Variants in ASIC2 observed in about 807,000 individuals in gnomAD.
The protein encoded by ASIC2 is acid sensing ion channel subunit 2.
ASIC2 carries 25 observed loss-of-function variants against 57.3 expected under a neutral mutation model. The ratio of observed to expected loss-of-function variants is 0.44; its 90% CI spans 0.32 to 0.61. The LOEUF is 0.61. Among genes scored for constraint, ASIC2 ranks in the 20% least tolerant of loss-of-function variants. The probability of loss-of-function intolerance (pLI) is 0.06; values close to 1 mark genes in which losing one functional copy is unlikely to be tolerated. For synonymous variants in ASIC2, 319 were observed against 307.5 expected, an observed-to-expected ratio of 1.04 and a Z score of -0.39; for missense variants, 641 against 738.1, an observed-to-expected ratio of 0.87 and a Z score of 1.52.
At chr17:34,039,872 T>C (rs1908040061) in intron 1 of ASIC2, 1 of 1,602,004 alleles carries the variant, frequency 6.2e-7, no homozygotes, top group Admixed American at 1.7e-5. Flanking sequence ...TCTTCCATCA[T>C]TTCTACTGCC....
chr17:33,189,811 A>C (rs1216793051), intron 1 of ASIC2, among the ~76,000 whole-genome samples: 1 of 152,198 alleles, frequency 6.6e-6, no homozygotes, highest in African/African-American at 2.4e-5. Flanking sequence ...GCAAAAGCTG[A>C]TAAACTACAA....
rs541180973 is a variant in ASIC2, at chr17:33,329,496, G to A, written c.556-217429C>T. On this transcript the variant is annotated intron_variant, in intron 1 of 9. Transcript: ENST00000359872. ...TGCTCAGACCTCCTTTTTCACAAAT[G>A]AGAAAATTCATGCCCAAATTTCAGA... 8.5e-4 allele frequency among the ~76,000 whole-genome samples: 130 copies of A among 152,280 alleles called. 1 individual carries two copies. Among genetic ancestry groups the A allele is most frequent in the African/African-American group, 3.1e-3 (128 of 41,570 alleles).
At chr17:33,865,469 T>C (rs553841092) in intron 1 of ASIC2, among the ~76,000 whole-genome samples, 2 of 152,216 alleles carry the variant, frequency 1.3e-5, no homozygotes, top group Admixed American at 1.3e-4. Context: ...ACTATTAACA[T>C]CTTGGAGCAT....
At chr17:33,545,089 G>A (rs1206708685) in intron 1 of ASIC2, among the ~76,000 whole-genome samples, 1 of 152,146 alleles carries the variant, frequency 6.6e-6, no homozygotes, top group Non-Finnish European at 1.5e-5. Context: ...TTCAAATTTA[G>A]TAAAATGATT....
intron 1 of ASIC2, among the ~76,000 whole-genome samples, chr17:33,940,511 TCC>T (rs1916164822): frequency 6.6e-6 from 1 of 152,060 alleles, no homozygotes; most frequent in African/African-American, 2.4e-5. Flanking sequence ...CCTCCCTCCC[TCC>T]TTCACTCCAC....
intron 2 of ASIC2, among the ~76,000 whole-genome samples, chr17:33,093,105 C>T (rs2092164169): frequency 6.6e-6 from 1 of 152,046 alleles, no homozygotes; most frequent in Non-Finnish European, 1.5e-5. Flanking sequence ...GTTTGTGGGT[C>T]CCAGTGCCAA....
At chr17:33,979,815 G>A (rs1905546412) in intron 1 of ASIC2, among the ~76,000 whole-genome samples, 1 of 152,166 alleles carries the variant, frequency 6.6e-6, no homozygotes, top group African/African-American at 2.4e-5. Flanking sequence ...TTCACACTTA[G>A]AGGTCTCAAT....
chr17:33,333,082 G>A (rs1484363379), intron 1 of ASIC2, among the ~76,000 whole-genome samples: 1 of 152,196 alleles, frequency 6.6e-6, no homozygotes, highest in Non-Finnish European at 1.5e-5. Flanking sequence ...GCCTCCTGAG[G>A]AAGGAATTGG....
At chr17:33,933,080 G>C (rs1017197558) in intron 1 of ASIC2, among the ~76,000 whole-genome samples, 1 of 152,056 alleles carries the variant, frequency 6.6e-6, no homozygotes, top group South Asian at 2.1e-4. Flanking sequence ...TCCCACCCTC[G>C]TATGTCTCCT....
intron 1 of ASIC2, among the ~76,000 whole-genome samples, chr17:33,817,035 G>C (rs1040131884): frequency 4.6e-5 from 7 of 152,222 alleles, no homozygotes; most frequent in African/African-American, 1.7e-4. Flanking sequence ...TGCTCTCCCA[G>C]AGCAGCAGTG....
At chr17:33,751,323 C>A (rs1222858099) in intron 1 of ASIC2, among the ~76,000 whole-genome samples, 1 of 152,192 alleles carries the variant, frequency 6.6e-6, no homozygotes, top group Admixed American at 6.5e-5. Flanking sequence ...TCTAGTGGCA[C>A]TGCCAGGAAT....
chr17:33,799,352 C>CTCTTTCTTTCTTTCTTTCTTCCTT (rs1912013095), intron 1 of ASIC2, among the ~76,000 whole-genome samples: 2 of 136,182 alleles, frequency 1.5e-5, no homozygotes, highest in African/African-American at 5.8e-5. Context: ...TCCTCTCTTT[C>CTCTTTCTTTCTTTCTTTCTTCCTT]TCTTTCTTTC....
At position 33,354,870 on chromosome 17, in the gene ASIC2, C is replaced by T. The variant is rs1908317005; in HGVS notation, c.556-242803G>A. On this transcript the variant is annotated intron_variant, in intron 1 of 9. Coordinates refer to the ASIC2 transcript ENST00000359872. ...TTGCCCTCTCCCCTCTGCCTCTGTC[C>T]CCACACATGTGCACCTATTTCCATG... is the stretch of plus-strand genomic sequence containing the variant. Among the ~76,000 whole-genome samples, 4 of 152,158 alleles carry T rather than the reference C, an allele frequency of 2.6e-5. No homozygotes were observed. The South Asian group carries it at 8.3e-4, about 32-fold the overall frequency.
In ASIC2 at chr17:33,291,625, T is replaced by C. The variant is rs952193136; in HGVS notation, c.491A>G (p.Asn164Ser). 3 of 1,608,780 alleles carry C rather than the reference T, an allele frequency of 1.9e-6. No homozygotes were observed. The highest frequency in any genetic ancestry group is 2.5e-6 in the Non-Finnish European group (3 of 1,178,218). ...AGHWLGLLLP[N>S]RTARPLVSEL... Reference sequence around the variant, plus strand: ...GCTGACAAGCGGGCGCGCGGTGCGGTTGGGCAGCAGCAGCCCGAGCCAGTG... The same window carrying C: ...GCTGACAAGCGGGCGCGCGGTGCGGCTGGGCAGCAGCAGCCCGAGCCAGTG... Residue 164 changes from asparagine (N) to serine (S), a missense_variant, in exon 1 of 10, where the codon AAC becomes AGC. Coordinates refer to ENST00000225823, the MANE Select transcript of ASIC2 (RefSeq NM_183377.2).
At chr17:33,080,703 T>C (rs1228055725) in intron 3 of ASIC2, among the ~76,000 whole-genome samples, 4 of 152,020 alleles carry the variant, frequency 2.6e-5, no homozygotes, top group Non-Finnish European at 1.5e-5. Context: ...TTAAGTAAAA[T>C]AAGGGTGACT....
intron 1 of ASIC2, among the ~76,000 whole-genome samples, chr17:33,234,589 C>T (rs1249638382): frequency 2.0e-5 from 3 of 152,204 alleles, no homozygotes; most frequent in Admixed American, 6.5e-5. Context: ...GCACCTTAGA[C>T]TGTGTGGCTT....
At chr17:33,699,532 C>A (rs1908633466) in intron 1 of ASIC2, among the ~76,000 whole-genome samples, 2 of 152,178 alleles carry the variant, frequency 1.3e-5, no homozygotes, top group African/African-American at 2.4e-5. Context: ...CATAGAATAG[C>A]AACATAATAT....
At chr17:33,101,649 G>T (rs2092212494) in intron 2 of ASIC2, among the ~76,000 whole-genome samples, 1 of 152,120 alleles carries the variant, frequency 6.6e-6, no homozygotes, top group Non-Finnish European at 1.5e-5. Flanking sequence ...AATCACAGAA[G>T]ATGAGGATGT....
chr17:33,757,429 G>C (rs919052823), intron 1 of ASIC2, among the ~76,000 whole-genome samples: 5 of 152,160 alleles, frequency 3.3e-5, no homozygotes, highest in African/African-American at 1.2e-4. Flanking sequence ...TTCGAGACCA[G>C]CTTCCCTCCC....
Sources: allele counts gnomAD v4.1 joint callset (sites outside exome capture counted in the v4.1 genomes callset), GRCh38; gene constraint gnomAD v4.1.1; transcripts MANE v1.5; gene names NCBI Gene and HGNC (gene_info 2026-07-23, HGNC 2026-07-21).